Variants in ARPP21 observed in about 807,000 individuals in gnomAD.
ARPP21 encodes cAMP regulated phosphoprotein 21.
In ARPP21, 69 loss-of-function variants were observed where a neutral mutation model predicts 113.2. The ratio of observed to expected loss-of-function variants is 0.61; its 90% CI spans 0.50 to 0.74. The LOEUF is 0.74. Among genes scored for constraint, ARPP21 ranks in the 30% least tolerant of loss-of-function variants. The pLI is 0.00. For synonymous variants in ARPP21, 368 were observed against 375.5 expected (o/e 0.98, Z 0.23); for missense variants, 1,070 against 1,037.4 (o/e 1.03, Z -0.43).
At chr3:35,668,788 A>G (rs541746838) in intron 1 of ARPP21, among the ~76,000 whole-genome samples, 1 of 152,124 alleles carries the variant, frequency 6.6e-6, no homozygotes, top group Non-Finnish European at 1.5e-5. Flanking sequence ...TCTCGTCATC[A>G]TGCATGTTTT....
intron 4 of ARPP21, among the ~76,000 whole-genome samples, chr3:35,683,523 C>A (rs2079602346): frequency 6.6e-6 from 1 of 151,658 alleles, no homozygotes; most frequent in African/African-American, 2.4e-5. Context: ...TATTCACATT[C>A]TTCTTTACTT....
chr3:35,747,959 GAA>G (rs796856154), intron 19 of ARPP21, among the ~76,000 whole-genome samples: 122 of 145,672 alleles, frequency 8.4e-4, no homozygotes, highest in African/African-American at 3.0e-3. Context: ...AAGAAAGAAA[GAA>G]AGAGAGAGAG....
intron 1 of ARPP21, among the ~76,000 whole-genome samples, chr3:35,668,364 C>T (rs2075453690): frequency 6.6e-6 from 1 of 152,084 alleles, no homozygotes; most frequent in African/African-American, 2.4e-5. Flanking sequence ...GCCAGTAGAG[C>T]AAATAGCCAA....
At chr3:35,715,666 T>G in intron 12 of ARPP21, 190 bp downstream of exon 12, 1 of 408,904 alleles carries the variant, frequency 2.4e-6, no homozygotes, top group Admixed American at 4.0e-5. Context: ...GAAAAAAAAT[T>G]TTCTTTCAGT....
intron 1 of ARPP21, among the ~76,000 whole-genome samples, chr3:35,677,333 G>A (rs2077775525): frequency 6.6e-6 from 1 of 151,640 alleles, no homozygotes; most frequent in Non-Finnish European, 1.5e-5. Context: ...TGATAGTGAT[G>A]ATGAAAGACA....
At chr3:35,642,737 C>T (rs958131274) in intron 1 of ARPP21, among the ~76,000 whole-genome samples, 1 of 152,112 alleles carries the variant, frequency 6.6e-6, no homozygotes, top group Non-Finnish European at 1.5e-5. Flanking sequence ...AATAAAATAA[C>T]TAATATGCTT....
chr3:35,675,867 G>T (rs2077362512), intron 1 of ARPP21, among the ~76,000 whole-genome samples: 1 of 151,778 alleles, frequency 6.6e-6, no homozygotes, highest in South Asian at 2.1e-4. Flanking sequence ...TGTGAGTCAA[G>T]TACTAACCAT....
chr3:35,715,246 C>T, intron 11 of ARPP21, 193 bp from the exon 12 acceptor site: 2 of 551,706 alleles, frequency 3.6e-6, no homozygotes, highest in South Asian at 4.6e-5. Flanking sequence ...GAAAAATACC[C>T]TATGCTGCAT....
At chr3:35,707,207 C>A in intron 10 of ARPP21, 125 bp downstream of exon 10, 1 of 712,792 alleles carries the variant, frequency 1.4e-6, no homozygotes, top group Non-Finnish European at 2.4e-6. Flanking sequence ...ATACCACTGT[C>A]CTATCTCCAA....
intron 1 of ARPP21, among the ~76,000 whole-genome samples, chr3:35,663,023 C>A (rs1056340462): frequency 4.5e-4 from 68 of 151,952 alleles, no homozygotes; most frequent in Non-Finnish European, 1.6e-4. Context: ...AGTAGGGTGA[C>A]TATATTTAAC....
chr3:35,656,070 A>G lies in ARPP21; in HGVS notation c.-213+15672A>G, dbSNP rs1704730531. 3.9e-5 allele frequency among the ~76,000 whole-genome samples: 6 copies of G among 152,224 alleles called. 1 individual carries two copies. The South Asian group carries it at 1.2e-3, about 32-fold the overall frequency. ...TTCAAAACAAACTAATCTTAGAATA[A>G]CTTTGAATTTACTTTCATTTAAAAA... is the stretch of plus-strand genomic sequence containing the variant. On this transcript the variant is annotated intron_variant, in intron 1 of 20. Transcript: ENST00000684406.
intron 1 of ARPP21, among the ~76,000 whole-genome samples, chr3:35,660,429 C>T (rs568170037): frequency 1.3e-5 from 2 of 152,264 alleles, no homozygotes; most frequent in East Asian, 3.9e-4. Context: ...CTGCTTCCAC[C>T]CCCTTATCCG....
At chr3:35,772,353 G>T (rs567924201) in intron 19 of ARPP21, among the ~76,000 whole-genome samples, 52 of 152,276 alleles carry the variant, frequency 3.4e-4, no homozygotes, top group African/African-American at 1.2e-3. Context: ...AGACTCAAAA[G>T]AAATCTTAAA....
chr3:35,694,178 T>C (rs2083105865), intron 9 of ARPP21, among the ~76,000 whole-genome samples: 1 of 151,576 alleles, frequency 6.6e-6, no homozygotes, highest in Non-Finnish European at 1.5e-5. Flanking sequence ...GGGTTTTTCA[T>C]GGAGAAGAAA....
Position 35,721,653 on chromosome 3 carries a change from C to A in ARPP21, c.1044C>A (p.Ser348Arg). ...SGRTSGSRQS[S>R]SENELKWSDH... is the part of the protein sequence containing the mutation. ...GAACATCTGGGAGTCGACAGAGCAG[C>A]TCAGAAAATGAACTCAAGTGGTCTG... Residue 348 changes from serine (S) to arginine (R), a missense_variant, in exon 14 of 21, where the codon AGC becomes AGA. Ser to Arg is a moderately radical substitution (Grantham distance 110). Coordinates refer to ENST00000684406, the MANE Select transcript of ARPP21 (RefSeq NM_001385562.1). 1.2e-6 allele frequency: 2 copies of A among 1,613,882 alleles called. No homozygotes were observed. The highest frequency in any genetic ancestry group is 1.7e-6 in the Non-Finnish European group (2 of 1,179,864).
intron 19 of ARPP21, among the ~76,000 whole-genome samples, chr3:35,751,060 G>A (rs1190801811): frequency 1.3e-5 from 2 of 152,126 alleles, no homozygotes; most frequent in African/African-American, 4.8e-5. Context: ...GACCAGGAGG[G>A]TCTATATTCT....
At chr3:35,696,712 ATGATATTTATAATAGATTTACTCT>A (rs1453377589) in intron 9 of ARPP21, among the ~76,000 whole-genome samples, 2 of 151,678 alleles carry the variant, frequency 1.3e-5, no homozygotes, top group East Asian at 3.9e-4. Flanking sequence ...GATATTATAA[ATGATATTTATAATAGATTTACTCT>A]ACATAATGTT....
At chr3:35,777,207 G>A (rs892913015) in intron 19 of ARPP21, among the ~76,000 whole-genome samples, 1 of 152,140 alleles carries the variant, frequency 6.6e-6, no homozygotes, top group African/African-American at 2.4e-5. Flanking sequence ...TGGAGAGAAT[G>A]AAAATACCCC....
intron 1 of ARPP21, among the ~76,000 whole-genome samples, chr3:35,658,667 A>G (rs1575503251): frequency 6.6e-6 from 1 of 152,184 alleles, no homozygotes. Flanking sequence ...TAATGCCAGC[A>G]CAGCCATAGA....
Sources: allele counts gnomAD v4.1 joint callset (sites outside exome capture counted in the v4.1 genomes callset), GRCh38; gene constraint gnomAD v4.1.1; transcripts MANE v1.5; gene names NCBI Gene and HGNC (gene_info 2026-07-23, HGNC 2026-07-21).